Variants in BAIAP2L1 observed in about 807,000 individuals in gnomAD.
The protein encoded by BAIAP2L1 is BAR/IMD domain containing adaptor protein 2 like 1.
BAIAP2L1 carries 35 observed loss-of-function variants against 66.3 expected under a neutral mutation model. The ratio of observed to expected loss-of-function variants is 0.53; its 90% CI spans 0.40 to 0.70. The LOEUF is 0.70. Ranked by LOEUF, BAIAP2L1 falls within the 30% of genes least tolerant of loss-of-function variation. The probability of loss-of-function intolerance (pLI) is 0.00; values close to 1 mark genes in which losing one functional copy is unlikely to be tolerated. For synonymous variants in BAIAP2L1, 269 were observed against 248.7 expected (o/e 1.08, Z -0.77); for missense variants, 622 against 656.9 (o/e 0.95, Z 0.58).
intron 8 of BAIAP2L1, 71 bp from the exon 9 acceptor site, chr7:98,310,663 G>GTTTTT: frequency 1.1e-6 from 1 of 937,142 alleles, no homozygotes; most frequent in Non-Finnish European, 1.4e-6. Context: ...TCCCAAGGCT[G>GTTTTT]TTTTTTTTTT....
chr7:98,392,167 TA>T (rs5886065), intron 1 of BAIAP2L1, among the ~76,000 whole-genome samples: 47,825 of 120,506 alleles, frequency 0.4, 9,293 homozygotes, highest in African/African-American at 0.5. Flanking sequence ...ACCCCCTCGC[TA>T]AAAAAAAAAA....
chr7:98,379,769 C>G (rs138224036), intron 1 of BAIAP2L1, among the ~76,000 whole-genome samples: 1,833 of 152,236 alleles, frequency 0.012, 17 homozygotes, highest in Non-Finnish European at 0.016. Context: ...AGACACTCTA[C>G]AACATAGATA....
chr7:98,397,028 T>C (rs1244626030), intron 1 of BAIAP2L1, among the ~76,000 whole-genome samples: 1 of 152,134 alleles, frequency 6.6e-6, no homozygotes, highest in Non-Finnish European at 1.5e-5. Context: ...ACAAAGCTCA[T>C]TGCCTTGTAG....
At chr7:98,398,348 T>C (rs1054947000) in intron 1 of BAIAP2L1, among the ~76,000 whole-genome samples, 10 of 152,158 alleles carry the variant, frequency 6.6e-5, no homozygotes, top group Non-Finnish European at 1.5e-4. Context: ...GAAAAGGTTT[T>C]TCAGACTCCT....
intron 1 of BAIAP2L1, among the ~76,000 whole-genome samples, chr7:98,383,459 G>C (rs1802809508): frequency 6.6e-6 from 1 of 151,726 alleles, no homozygotes; most frequent in African/African-American, 2.4e-5. Context: ...AATTATTTTT[G>C]TATTTTTAGT....
At chr7:98,360,328 C>G (rs2115718909) in intron 2 of BAIAP2L1, among the ~76,000 whole-genome samples, 1 of 152,300 alleles carries the variant, frequency 6.6e-6, no homozygotes, top group Admixed American at 6.5e-5. Flanking sequence ...CAGGCACGAG[C>G]CACCACGCCC....
intron 2 of BAIAP2L1, among the ~76,000 whole-genome samples, chr7:98,359,973 AG>A (rs1249225165): frequency 6.7e-6 from 1 of 149,402 alleles, no homozygotes; most frequent in Non-Finnish European, 1.5e-5. Context: ...CCCAGGCTGG[AG>A]TGCAGTGGCA....
At chr7:98,330,227 G>A (rs550071979) in intron 3 of BAIAP2L1, among the ~76,000 whole-genome samples, 1 of 152,322 alleles carries the variant, frequency 6.6e-6, no homozygotes, top group African/African-American at 2.4e-5. Context: ...CCACCACCAT[G>A]ACTAATATGC....
chr7:98,384,156 G>GAA (rs76408692), intron 1 of BAIAP2L1, among the ~76,000 whole-genome samples: 3 of 112,406 alleles, frequency 2.7e-5, no homozygotes, highest in Non-Finnish European at 3.5e-5. Context: ...CTCCGTCTCA[G>GAA]AAAAAAAAAA....
At chr7:98,374,991 G>A (rs1218458289) in intron 1 of BAIAP2L1, among the ~76,000 whole-genome samples, 1 of 152,084 alleles carries the variant, frequency 6.6e-6, no homozygotes, top group East Asian at 1.9e-4. Context: ...GGAGGCTGAG[G>A]GAGGAGAAGT....
At chr7:98,399,201 C>T (rs1803290654) in intron 1 of BAIAP2L1, among the ~76,000 whole-genome samples, 1 of 152,148 alleles carries the variant, frequency 6.6e-6, no homozygotes. Flanking sequence ...TCTATGAAGG[C>T]AACACACGAA....
intron 5 of BAIAP2L1, among the ~76,000 whole-genome samples, chr7:98,319,216 A>G (rs1801172066): frequency 6.6e-6 from 1 of 152,112 alleles, no homozygotes; most frequent in African/African-American, 2.4e-5. Context: ...TAAGTACTCT[A>G]TAGAGCAAGG....
At chr7:98,332,382 CAAAAAAAAAA>C (rs55987839) in intron 3 of BAIAP2L1, among the ~76,000 whole-genome samples, 3 of 27,752 alleles carry the variant, frequency 1.1e-4, no homozygotes, top group African/African-American at 5.2e-4. Context: ...GACTCCATCT[CAAAAAAAAAA>C]AAAAAAAAAA....
chr7:98,307,785 T>C lies in BAIAP2L1; in HGVS notation c.1067A>G (p.Lys356Arg), dbSNP rs745532455. The change falls in exon 10 of 14, where the codon AAG becomes AGG. Residue 356 changes from lysine (K) to arginine (R), a missense_variant. By Grantham distance (26) the Lys-to-Arg change is conservative. Coordinates refer to ENST00000005260, the MANE Select transcript of BAIAP2L1 (RefSeq NM_018842.5). ...TIFPHTAGSN[K>R]TLLSFAQGDV... Reference sequence around the variant, plus strand: ...TCCCTGTGCAAAGCTGAGTAAGGTCTTGTTGGAGCCCGCAGTGTGCGGGAA... The same window carrying C: ...TCCCTGTGCAAAGCTGAGTAAGGTCCTGTTGGAGCCCGCAGTGTGCGGGAA... The C allele has an allele frequency of 6.2e-7, 1 of 1,614,260 alleles. No homozygotes were observed. Among genetic ancestry groups the C allele is most frequent in the Non-Finnish European group, 8.5e-7 (1 of 1,180,042 alleles).
rs150420497 is a variant in BAIAP2L1, at chr7:98,317,451, C to T, written c.349-95G>A. The stretch of plus-strand genomic sequence containing the variant: ...CACACTTCCACTGTGTGTGGCTCAA[C>T]GGGGCCCTGACACCCTCACTTCACA... On this transcript the variant is annotated intron_variant, in intron 5 of 13. Transcript: ENST00000005260. The T allele has an allele frequency of 2.4e-4, 354 of 1,491,626 alleles. 1 individual carries two copies. The African/African-American group carries it at 4.0e-3, about 17-fold the overall frequency. The allele number at this position is 1,491,626 out of a possible 1,614,324, so 92.4% of individuals were successfully genotyped here.
intron 3 of BAIAP2L1, among the ~76,000 whole-genome samples, chr7:98,324,806 A>T (rs1305763705): frequency 6.6e-6 from 1 of 152,196 alleles, no homozygotes; most frequent in African/African-American, 2.4e-5. Flanking sequence ...TGGACTATTA[A>T]TATATTTTCT....
chr7:98,388,493 A>AAAAAC (rs59981173), intron 1 of BAIAP2L1, among the ~76,000 whole-genome samples: 57,771 of 151,398 alleles, frequency 0.38, 12,350 homozygotes, highest in Middle Eastern at 0.54. Context: ...ACTCCCTCTC[A>AAAAAC]AAAACAAAAC....
intron 1 of BAIAP2L1, among the ~76,000 whole-genome samples, chr7:98,395,100 G>C (rs1342817903): frequency 6.6e-6 from 1 of 152,002 alleles, no homozygotes; most frequent in African/African-American, 2.4e-5. Context: ...GACAGAGCAA[G>C]ACTCCGTCTC....
chr7:98,318,483 T>C (rs1801146632), intron 5 of BAIAP2L1, among the ~76,000 whole-genome samples: 1 of 151,824 alleles, frequency 6.6e-6, no homozygotes, highest in South Asian at 2.1e-4. Flanking sequence ...GGTTTCACCA[T>C]GTCAGCCAGG....
Sources: gnomAD v4.1 joint callset for allele counts (sites outside exome capture counted in the v4.1 genomes callset) on GRCh38, gnomAD v4.1.1 for gene constraint, MANE v1.5 for transcripts, NCBI Gene and HGNC (gene_info 2026-07-23, HGNC 2026-07-21) for gene names.